Variants in PLCH2 observed in about 807,000 individuals in gnomAD.
PLCH2 encodes 1-phosphatidylinositol 4,5-bisphosphate phosphodiesterase eta-2.
In PLCH2, 98 loss-of-function variants were observed where a neutral mutation model predicts 134.7. The ratio of observed to expected loss-of-function variants is 0.73; its 90% confidence interval spans 0.62 to 0.86. The LOEUF (loss-of-function observed/expected upper bound fraction) is 0.86, where lower values mean the gene tolerates loss of function less well. Among genes scored for constraint, PLCH2 ranks in the 40% least tolerant of loss-of-function variants. PLCH2 has a pLI of 0.00. For synonymous variants in PLCH2, 974 were observed against 827.5 expected (o/e 1.18, Z -3.04); for missense variants, 1,994 against 1,986.6 (o/e 1.00, Z -0.07).
intron 2 of PLCH2, among the ~76,000 whole-genome samples, chr1:2,452,476 C>T (rs1226425782): frequency 6.6e-6 from 1 of 152,202 alleles, no homozygotes; most frequent in African/African-American, 2.4e-5. Flanking sequence ...TGTTCCCTGC[C>T]CCAGCCCCTC....
chr1:2,501,070 C>G (rs924061891), intron 20 of PLCH2: 1 of 152,042 alleles, frequency 6.6e-6, no homozygotes, highest in African/African-American at 2.4e-5. Context: ...GCCAGAATCC[C>G]GGATCTGCTT....
chr1:2,471,042 A>G (rs1256409748), intron 1 of PLCH2, among the ~76,000 whole-genome samples: 1 of 143,650 alleles, frequency 7.0e-6, no homozygotes, highest in Non-Finnish European at 1.5e-5. Flanking sequence ...GGGACACACA[A>G]TGGGGGGGGC....
rs779266300 is a variant in PLCH2 at position 2,480,018 on chromosome 1, C to T, written c.515+41C>T. ...TATCGGGCAATGCAGACCCAGGGACCGGCCCCTTGGCTGCTCACCCTGGGG... is the reference window on the plus strand; with the variant it reads ...TATCGGGCAATGCAGACCCAGGGACTGGCCCCTTGGCTGCTCACCCTGGGG... On this transcript the variant is annotated intron_variant, in intron 3 of 21. Transcript: ENST00000378486. 54 of 1,589,308 alleles carry T rather than the reference C, an allele frequency of 3.4e-5. 1 individual carries two copies. The highest frequency in any genetic ancestry group is 8.9e-5 in the South Asian group (8 of 89,458).
At chr1:2,475,958 C>T (rs968646836), upstream of PLCH2, among the ~76,000 whole-genome samples, 5 of 152,124 alleles carry the variant, frequency 3.3e-5, no homozygotes, top group Admixed American at 6.5e-5. Context: ...AGTAGGGATG[C>T]GGGGTGAGGG....
chr1:2,483,133 G>A (rs1489575473), intron 4 of PLCH2, among the ~76,000 whole-genome samples: 1 of 152,180 alleles, frequency 6.6e-6, no homozygotes, highest in African/African-American at 2.4e-5. Context: ...CTCGACTTTT[G>A]GAGGTATTTC....
chr1:2,497,625 A>T lies in PLCH2; in HGVS notation c.2224+16A>T, dbSNP rs1642969683. 4 of 1,520,772 alleles carry T rather than the reference A, an allele frequency of 2.6e-6. No homozygotes were observed. The highest frequency in any genetic ancestry group is 3.6e-6 in the Non-Finnish European group (4 of 1,119,888). 94.2% of individuals were successfully genotyped at this position (1,520,772 alleles called of 1,614,324 possible). Reference sequence around the variant, plus strand: ...ATGTGCCAGGGTGAGGCACTCGGACACTCAGGGCTCGGACGCTCAGGGCTC... The same window carrying T: ...ATGTGCCAGGGTGAGGCACTCGGACTCTCAGGGCTCGGACGCTCAGGGCTC... On this transcript the variant is annotated intron_variant, in intron 16 of 21. Transcript: ENST00000378486.
At chr1:2,489,507 G>C (rs915118169) in intron 9 of PLCH2, 129 bp downstream of exon 9, 22 of 961,662 alleles carry the variant, frequency 2.3e-5, no homozygotes, top group Non-Finnish European at 2.8e-5. Flanking sequence ...GGCTGGCCAC[G>C]CTCCTGACCT....
upstream of PLCH2, among the ~76,000 whole-genome samples, chr1:2,466,577 C>T (rs148267721): frequency 7.9e-5 from 12 of 152,334 alleles, no homozygotes; most frequent in African/African-American, 1.9e-4. Context: ...TCCTCCTGCC[C>T]GGGCCTGCGT....
At chr1:2,449,178 G>A (rs1428385349) in intron 2 of PLCH2, among the ~76,000 whole-genome samples, 1 of 141,102 alleles carries the variant, frequency 7.1e-6, no homozygotes, top group Non-Finnish European at 1.5e-5. Flanking sequence ...AGCTATTTCA[G>A]TAGAAATACA....
intron 2 of PLCH2, among the ~76,000 whole-genome samples, chr1:2,436,862 G>A (rs2100511375): frequency 6.6e-6 from 1 of 152,372 alleles, no homozygotes; most frequent in African/African-American, 2.4e-5. Flanking sequence ...GGGACCTGCA[G>A]GCAGGGGAGG....
chr1:2,429,938 C>T (rs1638988814), intron 1 of PLCH2, among the ~76,000 whole-genome samples: 2 of 152,180 alleles, frequency 1.3e-5, no homozygotes, highest in Admixed American at 1.3e-4. Context: ...GGGAGACTGG[C>T]TGGTTTCTGT....
At chr1:2,502,852 T>G in intron 21 of PLCH2, 1 of 717,090 alleles carries the variant, frequency 1.4e-6, no homozygotes, top group South Asian at 1.5e-5. Context: ...GAGAGATGAG[T>G]GCCTTGTTTG....
At chr1:2,453,110 C>A (rs1455583523) in intron 2 of PLCH2, among the ~76,000 whole-genome samples, 4 of 152,124 alleles carry the variant, frequency 2.6e-5, no homozygotes, top group Non-Finnish European at 5.9e-5. Flanking sequence ...TCCACCCAGG[C>A]CTGGGCCGCC....
At chr1:2,463,171 G>A (rs540107256), upstream of PLCH2, among the ~76,000 whole-genome samples, 15 of 152,274 alleles carry the variant, frequency 9.9e-5, no homozygotes, top group African/African-American at 3.6e-4. Flanking sequence ...TCACCTCCAG[G>A]GGGCTGCAGG....
At chr1:2,486,653 G>A (rs746185381) in intron 5 of PLCH2, among the ~76,000 whole-genome samples, 1 of 152,270 alleles carries the variant, frequency 6.6e-6, no homozygotes, top group Non-Finnish European at 1.5e-5. Context: ...CACAGGTCTC[G>A]CACTGGTGTG....
At chr1:2,471,865 C>CT (rs1641340408), upstream of PLCH2, among the ~76,000 whole-genome samples, 1 of 152,194 alleles carries the variant, frequency 6.6e-6, no homozygotes, top group African/African-American at 2.4e-5. Flanking sequence ...GAGCTGGGTA[C>CT]TGCCATGGGG....
rs367609174 is a variant in PLCH2 at position 2,452,648 on chromosome 1, G to A, written c.115+22019G>A. 1.7e-4 allele frequency among the ~76,000 whole-genome samples: 26 copies of A among 152,322 alleles called. No individual in the cohort carries two copies. In the South Asian group the frequency reaches 5.2e-3, roughly 30 times the overall value. ...GAGCAGCAGATGGGCCCAGGGAGGG[G>A]CTTAAATAATTCACAGGCCCTGGGG... On this transcript the variant is annotated intron_variant, in intron 2 of 3. Transcript: ENST00000609981.
intron 2 of PLCH2, among the ~76,000 whole-genome samples, chr1:2,435,281 T>C (rs1039925088): frequency 6.6e-6 from 1 of 151,364 alleles, no homozygotes; most frequent in Non-Finnish European, 1.5e-5. Flanking sequence ...CTGTGGGGGG[T>C]GGGGCCCGGT....
In PLCH2 at chr1:2,502,407, G is replaced by T. The variant is rs778324197; in HGVS notation, c.2957G>T (p.Arg986Leu). 9 of 1,543,808 alleles carry T rather than the reference G, an allele frequency of 5.8e-6. No homozygotes were observed. The highest frequency in any genetic ancestry group is 7.9e-6 in the Non-Finnish European group (9 of 1,146,038). The change falls in exon 21 of 22, where the codon CGA becomes CTA. Residue 986 changes from arginine (R) to leucine (L), a missense_variant and splice_region_variant. Arg to Leu is a moderately radical substitution (Grantham distance 102). Around this residue, in one of 2 missense-constraint regions of PLCH2, gnomAD observed 900 missense variants for 752.3 expected, o/e 1.20. Coordinates refer to ENST00000378486, the MANE Select transcript of PLCH2 (RefSeq NM_014638.4). Reference protein sequence around the residue: ...AQEGPGSGSPRDTRPLSTQRP... With the variant: ...AQEGPGSGSPLDTRPLSTQRP... ...GAGGGGCCCGGCAGCGGCAGCCCCC[G>T]AGGTAAGGCGCCAGCTGCGGTGGCA...
Sources: gnomAD v4.1 joint callset for allele counts (sites outside exome capture counted in the v4.1 genomes callset) on GRCh38, gnomAD v4.1.1 for gene constraint, gnomAD v4.1.1 regional missense constraint, MANE v1.5 for transcripts, NCBI Gene and HGNC (gene_info 2026-07-23, HGNC 2026-07-21) for gene names.